The following PPP4R4 variants were observed in gnomAD, a reference collection of about 807,000 sequenced individuals.
PPP4R4 encodes the protein serine/threonine-protein phosphatase 4 regulatory subunit 4.
A neutral mutation model predicts 121.8 loss-of-function variants in PPP4R4; 70 were observed. That is an observed-to-expected ratio of 0.57 (90% CI 0.47 to 0.70). The LOEUF (loss-of-function observed/expected upper bound fraction) is 0.70. PPP4R4 is among the 30% of genes least tolerant of loss of function. The pLI is 0.00. For missense variants in PPP4R4, 875 were observed against 1,033.6 expected (o/e 0.85, Z 2.10); for synonymous variants, 348 against 355.7 (o/e 0.98, Z 0.24).
At chr14:94,227,941 A>C (rs183310050) in intron 3 of PPP4R4, 1 of 920,714 alleles carries the variant, frequency 1.1e-6, no homozygotes, top group African/African-American at 1.8e-5. Context: ...TTTTGGGAAC[A>C]CTAAAACAAA....
intron 18 of PPP4R4, 98 bp from the exon 19 acceptor site, chr14:94,259,197 A>G (rs567558650): frequency 5.0e-5 from 75 of 1,497,080 alleles, no homozygotes; most frequent in Admixed American, 5.1e-5. Flanking sequence ...GGATGGGGAC[A>G]CAGAGTCAAA....
chr14:94,198,580 T>G (rs1315789614), intron 2 of PPP4R4, among the ~76,000 whole-genome samples: 5 of 152,232 alleles, frequency 3.3e-5, no homozygotes, highest in Non-Finnish European at 4.4e-5. Context: ...CTTTTGTGTT[T>G]TCTTCAAGAA....
intron 3 of PPP4R4, among the ~76,000 whole-genome samples, chr14:94,210,568 A>G (rs950392892): frequency 6.6e-6 from 1 of 152,126 alleles, no homozygotes; most frequent in Non-Finnish European, 1.5e-5. Flanking sequence ...TATTTTACTA[A>G]TCAACATGCA....
Position 94,279,369 on chromosome 14 carries a change from T to C in PPP4R4, c.*726T>C, listed in dbSNP as rs1259417733. On this transcript the variant is annotated 3_prime_UTR_variant, in exon 25 of 25. Coordinates refer to ENST00000304338, the MANE Select transcript of PPP4R4 (RefSeq NM_058237.2). ...ACATTTTAGATTGTACTTGTCTTTA[T>C]TTAAAATGATGAATCTAGTCTGAAT... 1 of 152,666 alleles carries C rather than the reference T, an allele frequency of 6.6e-6. No individual in the cohort carries two copies. Among genetic ancestry groups the C allele is most frequent in the African/African-American group, 2.4e-5 (1 of 41,472 alleles). 9.5% of individuals were successfully genotyped at this position (152,666 alleles called of 1,614,324 possible). A position where few individuals can be genotyped will look rare whatever the true frequency, so the allele number is the denominator to read the frequency against.
chr14:94,218,015 A>G (rs1357314830), intron 3 of PPP4R4, among the ~76,000 whole-genome samples: 1 of 152,174 alleles, frequency 6.6e-6, no homozygotes, highest in African/African-American at 2.4e-5. Flanking sequence ...AAAATGCTAG[A>G]AATAAAAAAG....
At chr14:94,238,186 C>CACGA (rs1174272380) in intron 8 of PPP4R4, among the ~76,000 whole-genome samples, 1 of 152,246 alleles carries the variant, frequency 6.6e-6, no homozygotes, top group Non-Finnish European at 1.5e-5. Context: ...CCAGTCAACC[C>CACGA]ACGAGGGTGG....
intron 24 of PPP4R4, among the ~76,000 whole-genome samples, chr14:94,277,384 A>G (rs531853788): frequency 3.3e-5 from 5 of 152,258 alleles, no homozygotes; most frequent in South Asian, 4.1e-4. Flanking sequence ...GCAGCAGCTA[A>G]GTGGTTGTGC....
At chr14:94,244,803 C>A in intron 12 of PPP4R4, 91 bp downstream of exon 12, 1 of 1,272,872 alleles carries the variant, frequency 7.9e-7, no homozygotes, top group South Asian at 1.7e-5. Flanking sequence ...GGAATCGTGT[C>A]AACTCTTTCA....
chr14:94,177,331 T>C (rs1888734151), intron 2 of PPP4R4, among the ~76,000 whole-genome samples: 2 of 152,238 alleles, frequency 1.3e-5, no homozygotes, highest in Admixed American at 1.3e-4. Flanking sequence ...AGAAAACTTC[T>C]ATTTATGTGT....
chr14:94,193,862 ATATT>A (rs1454038756), intron 2 of PPP4R4, among the ~76,000 whole-genome samples: 2 of 152,224 alleles, frequency 1.3e-5, no homozygotes, highest in Admixed American at 1.3e-4. Flanking sequence ...ATTTTAACAA[ATATT>A]TATGAAGCCT....
chr14:94,183,586 C>T (rs1889105963), intron 2 of PPP4R4, among the ~76,000 whole-genome samples: 1 of 152,120 alleles, frequency 6.6e-6, no homozygotes, highest in Non-Finnish European at 1.5e-5. Context: ...TGTCTTTTTT[C>T]CTACTTACCA....
At chr14:94,267,903 G>C (rs1894126124) in intron 23 of PPP4R4, among the ~76,000 whole-genome samples, 1 of 151,828 alleles carries the variant, frequency 6.6e-6, no homozygotes, top group South Asian at 2.1e-4. Flanking sequence ...ATACTCATTG[G>C]CTCTTCTGTA....
intron 3 of PPP4R4, among the ~76,000 whole-genome samples, chr14:94,230,287 C>T (rs562632255): frequency 1.2e-3 from 187 of 152,260 alleles, no homozygotes; most frequent in African/African-American, 4.3e-3. Context: ...TAAAACCTCT[C>T]TAAAGTTTCT....
At chr14:94,254,265 G>T (rs1303911617) in intron 16 of PPP4R4, among the ~76,000 whole-genome samples, 1 of 152,108 alleles carries the variant, frequency 6.6e-6, no homozygotes, top group East Asian at 1.9e-4. Flanking sequence ...AGTGTGCATA[G>T]ATTGTTAAGT....
At position 94,266,981 on chromosome 14, in the gene PPP4R4, A is replaced by G. The variant is rs759818438; in HGVS notation, c.2401A>G (p.Thr801Ala). Residue 801 changes from threonine (T) to alanine (A), a missense_variant, in exon 23 of 25, where the codon ACA becomes GCA. Coordinates refer to ENST00000304338, the MANE Select transcript of PPP4R4 (RefSeq NM_058237.2). ...CASKSSTTGY[T>A]TSVSGLGKTS... is the part of the protein sequence containing the mutation. Reference sequence around the variant, plus strand: ...TAGTAAAAGTTCTACAACAGGATATACAACTTCTGTCTCAGGGTTAGGAAA... The same window carrying G: ...TAGTAAAAGTTCTACAACAGGATATGCAACTTCTGTCTCAGGGTTAGGAAA... The G allele has an allele frequency of 5.6e-6, 9 of 1,593,388 alleles. No individual in the cohort carries two copies. The highest frequency in any genetic ancestry group is 6.9e-6 in the Non-Finnish European group (8 of 1,162,936).
chr14:94,196,100 A>T (rs1889851886), intron 2 of PPP4R4, among the ~76,000 whole-genome samples: 1 of 149,296 alleles, frequency 6.7e-6, no homozygotes, highest in African/African-American at 2.4e-5. Flanking sequence ...TTCAACAGTA[A>T]ATCTCAGTAT....
chr14:94,260,519 C>T (rs1243483725), intron 19 of PPP4R4, among the ~76,000 whole-genome samples: 1 of 152,114 alleles, frequency 6.6e-6, no homozygotes, highest in African/African-American at 2.4e-5. Context: ...TAGTTACCAG[C>T]CATACTATTG....
chr14:94,189,822 C>T (rs1889496003), intron 2 of PPP4R4, among the ~76,000 whole-genome samples: 1 of 152,166 alleles, frequency 6.6e-6, no homozygotes, highest in Non-Finnish European at 1.5e-5. Context: ...CTCTTTTTCT[C>T]TCAGTACTCT....
At chr14:94,239,539 T>C (rs1259633786) in intron 8 of PPP4R4, among the ~76,000 whole-genome samples, 1 of 152,046 alleles carries the variant, frequency 6.6e-6, no homozygotes, top group African/African-American at 2.4e-5. Flanking sequence ...CCCTGACATC[T>C]TTCTAAATCC....
Sources: gnomAD v4.1 joint callset for allele counts (sites outside exome capture counted in the v4.1 genomes callset) on GRCh38, gnomAD v4.1.1 for gene constraint, MANE v1.5 for transcripts, NCBI Gene and HGNC (gene_info 2026-07-23, HGNC 2026-07-21) for gene names.